The following NDFIP1 variants were observed in gnomAD, a reference collection of about 807,000 sequenced individuals.
NDFIP1 encodes Nedd4 family interacting protein 1.
A neutral mutation model predicts 28.8 loss-of-function variants in NDFIP1; 7 were observed. That is an observed-to-expected ratio of 0.24 (90% confidence interval 0.14 to 0.46). NDFIP1 has a LOEUF of 0.46. Ranked by LOEUF, NDFIP1 falls within the 20% of genes least tolerant of loss-of-function variation. NDFIP1 has a pLI of 0.99. For synonymous variants in NDFIP1, 92 were observed against 101.0 expected (o/e 0.91, Z 0.53); for missense variants, 194 against 269.1 (o/e 0.72, Z 1.95).
intron 6 of NDFIP1, among the ~76,000 whole-genome samples, chr5:142,141,583 T>A (rs1757332582): frequency 6.6e-6 from 1 of 152,194 alleles, no homozygotes; most frequent in South Asian, 2.1e-4. Context: ...GGCTTCTTGA[T>A]TATATGTAAA....
chr5:142,129,052 C>T (rs763107507), intron 1 of NDFIP1, among the ~76,000 whole-genome samples: 11 of 152,102 alleles, frequency 7.2e-5, no homozygotes, highest in African/African-American at 1.2e-4. Flanking sequence ...GCAGGGGTAA[C>T]GTGATTACTT....
intron 4 of NDFIP1, 75 bp from the exon 5 acceptor site, chr5:142,137,659 G>A (rs1043936005): frequency 6.5e-7 from 1 of 1,543,660 alleles, no homozygotes; most frequent in African/African-American, 1.4e-5. Context: ...CATTTAAACA[G>A]AGGCAGGTGT....
intron 1 of NDFIP1, among the ~76,000 whole-genome samples, chr5:142,127,379 C>T (rs1201324167): frequency 6.6e-6 from 1 of 152,016 alleles, no homozygotes; most frequent in African/African-American, 2.4e-5. Context: ...CCAAAGGCAC[C>T]ATGGCAGATT....
intron 7 of NDFIP1, among the ~76,000 whole-genome samples, chr5:142,149,380 GA>G (rs748001842): frequency 2.7e-5 from 4 of 148,652 alleles, no homozygotes; most frequent in Non-Finnish European, 5.9e-5. Flanking sequence ...ATGTCTCCAA[GA>G]AGAACTGGTT....
At chr5:142,124,668 T>C (rs960783525) in intron 1 of NDFIP1, among the ~76,000 whole-genome samples, 3 of 152,228 alleles carry the variant, frequency 2.0e-5, no homozygotes, top group Admixed American at 2.0e-4. Context: ...TACTTAGTTT[T>C]TCCTTTGGCA....
chr5:142,115,430 C>T (rs969937627), intron 1 of NDFIP1, among the ~76,000 whole-genome samples: 1 of 151,974 alleles, frequency 6.6e-6, no homozygotes, highest in East Asian at 1.9e-4. Context: ...ATTACAGGTG[C>T]CCACCACCAC....
At chr5:142,141,245 G>A (rs953865592) in intron 6 of NDFIP1, among the ~76,000 whole-genome samples, 26 of 132,106 alleles carry the variant, frequency 2.0e-4, no homozygotes, top group African/African-American at 5.8e-5. Flanking sequence ...GCGTGATCTC[G>A]GCTCACTGCA....
intron 4 of NDFIP1, among the ~76,000 whole-genome samples, chr5:142,136,954 C>G (rs1417755419): frequency 1.3e-5 from 2 of 151,132 alleles, no homozygotes; most frequent in African/African-American, 4.9e-5. Context: ...GCCTATAGTC[C>G]CAGCCACTCG....
At chr5:142,117,318 A>G (rs918402682) in intron 1 of NDFIP1, among the ~76,000 whole-genome samples, 2 of 149,128 alleles carry the variant, frequency 1.3e-5, no homozygotes, top group African/African-American at 5.0e-5. Flanking sequence ...ATCTCAGCTC[A>G]CTGCAACCTC....
intron 1 of NDFIP1, among the ~76,000 whole-genome samples, chr5:142,125,897 T>A (rs4912623): frequency 0.67 from 102,208 of 152,054 alleles, 34,667 homozygotes; most frequent in African/African-American, 0.77. Context: ...TGGCCTTTTG[T>A]ATATCTTCTT....
rs745772278 is a variant in NDFIP1, at chr5:142,148,777, A to AAAAAAAAAG, written c.*3-2954_*3-2953insAAAAAAAAG. ...AAAAAAAAAAAAAAAAAAAAAAAAA[A>AAAAAAAAAG]GTATGTGACTGAGGAAGCAGAAGAA... is the stretch of plus-strand genomic sequence containing the variant. On this transcript the variant is annotated intron_variant, in intron 7 of 7. Coordinates refer to ENST00000253814, the MANE Select transcript of NDFIP1 (RefSeq NM_030571.4). 9.4e-5 allele frequency among the ~76,000 whole-genome samples: 9 copies of AAAAAAAAAG among 95,992 alleles called. 2 individuals are homozygous for AAAAAAAAAG. The highest frequency in any genetic ancestry group is 2.5e-4 in the Admixed American group (2 of 8,082). 63.0% of individuals were successfully genotyped at this position (95,992 alleles called of 152,430 possible). A position where few individuals can be genotyped will look rare whatever the true frequency, so the allele number is the denominator to read the frequency against.
At chr5:142,129,773 CTGG>C (rs1356371236) in intron 1 of NDFIP1, among the ~76,000 whole-genome samples, 1 of 151,838 alleles carries the variant, frequency 6.6e-6, no homozygotes, top group African/African-American at 2.4e-5. Flanking sequence ...TTAGCCAGGT[CTGG>C]TGGCATACGC....
intron 1 of NDFIP1, among the ~76,000 whole-genome samples, chr5:142,118,595 G>T (rs557712110): frequency 1.8e-4 from 28 of 152,218 alleles, no homozygotes; most frequent in Non-Finnish European, 3.5e-4. Context: ...GTAAAGATAC[G>T]TTTTACCCCA....
chr5:142,136,536 C>T (rs1181027317), intron 4 of NDFIP1, among the ~76,000 whole-genome samples: 5 of 151,678 alleles, frequency 3.3e-5, no homozygotes, highest in Non-Finnish European at 5.9e-5. Context: ...AGGCAGATGC[C>T]CTGAGGTCAG....
intron 3 of NDFIP1, among the ~76,000 whole-genome samples, chr5:142,133,255 G>C (rs1001370577): frequency 6.6e-6 from 1 of 152,176 alleles, no homozygotes; most frequent in Non-Finnish European, 1.5e-5. Context: ...GCGATGATGT[G>C]CATTCAGTTC....
chr5:142,136,097 G>A (rs1757271954), intron 4 of NDFIP1, among the ~76,000 whole-genome samples: 1 of 152,050 alleles, frequency 6.6e-6, no homozygotes, highest in African/African-American at 2.4e-5. Flanking sequence ...AGGTCTACGG[G>A]GCCCTTTTGC....
intron 6 of NDFIP1, among the ~76,000 whole-genome samples, chr5:142,142,614 A>G (rs903151581): frequency 6.6e-6 from 1 of 152,110 alleles, no homozygotes; most frequent in East Asian, 1.9e-4. Context: ...CTTGCTATGT[A>G]CCATTTGCTT....
At chr5:142,141,104 A>C (rs1757324514) in intron 6 of NDFIP1, among the ~76,000 whole-genome samples, 1 of 143,186 alleles carries the variant, frequency 7.0e-6, no homozygotes, top group African/African-American at 2.5e-5. Context: ...CCACCATTGG[A>C]TTTCCAGAAT....
chr5:142,119,234 A>G (rs1432902908), intron 1 of NDFIP1, among the ~76,000 whole-genome samples: 1 of 152,224 alleles, frequency 6.6e-6, no homozygotes, highest in African/African-American at 2.4e-5. Flanking sequence ...TCCAACATGG[A>G]GAAACCTGGC....
Sources: gnomAD v4.1 joint callset for allele counts (sites outside exome capture counted in the v4.1 genomes callset) on GRCh38, gnomAD v4.1.1 for gene constraint, MANE v1.5 for transcripts, NCBI Gene and HGNC (gene_info 2026-07-23, HGNC 2026-07-21) for gene names.